Variants in NTRK1 observed in about 807,000 individuals in gnomAD.
NTRK1 encodes the protein neurotrophic receptor tyrosine kinase 1.
NTRK1 carries 62 observed loss-of-function variants against 86.8 expected under a neutral mutation model. That is an observed-to-expected ratio of 0.71 (90% CI 0.58 to 0.88). The LOEUF is 0.88. Ranked by LOEUF, NTRK1 falls within the 40% of genes least tolerant of loss-of-function variation. The pLI is 0.00. For missense variants in NTRK1, 967 were observed against 1,078.4 expected (o/e 0.90, Z 1.45); for synonymous variants, 469 against 456.6 (o/e 1.03, Z -0.35).
At chr1:156,863,003 A>C (rs1344137466) in intron 1 of NTRK1, among the ~76,000 whole-genome samples, 3 of 151,516 alleles carry the variant, frequency 2.0e-5, no homozygotes, top group African/African-American at 7.3e-5. Flanking sequence ...TAAGTTAGGG[A>C]AAGTTAGAGG....
At chr1:156,828,730 T>A (rs1654388691) in intron 1 of NTRK1, among the ~76,000 whole-genome samples, 3 of 152,212 alleles carry the variant, frequency 2.0e-5, no homozygotes, top group Non-Finnish European at 4.4e-5. Context: ...TTTGAGTCTC[T>A]GCTCCACCAC....
chr1:156,860,554 C>T (rs2102878020), upstream of NTRK1, among the ~76,000 whole-genome samples: 1 of 152,338 alleles, frequency 6.6e-6, no homozygotes, highest in African/African-American at 2.4e-5. Context: ...CAGTCATCTT[C>T]CCTCCTCCCC....
At position 156,860,913 on chromosome 1, in the gene NTRK1, G is replaced by T; in HGVS notation, c.-22G>T. 1 of 1,431,042 alleles carries T rather than the reference G, an allele frequency of 7.0e-7. No individual in the cohort carries two copies. Among genetic ancestry groups the T allele is most frequent in the South Asian group, 1.5e-5 (1 of 66,446 alleles). 88.6% of individuals were successfully genotyped at this position (1,431,042 alleles called of 1,614,324 possible). A position where few individuals can be genotyped will look rare whatever the true frequency, so the allele number is the denominator to read the frequency against. ...GAGCGCACAGACGGCTGCCCCGCCTGAGCGAGGCGGGCGCCGCCGCGATGC... is the reference window on the plus strand; with the variant it reads ...GAGCGCACAGACGGCTGCCCCGCCTTAGCGAGGCGGGCGCCGCCGCGATGC... On this transcript the variant is annotated 5_prime_UTR_variant, in exon 1 of 17. Transcript: ENST00000524377.
In NTRK1 at chr1:156,868,211, G is replaced by A. The variant is rs761633256; in HGVS notation, c.536G>A (p.Gly179Glu). The A allele has an allele frequency of 6.2e-7, 1 of 1,612,716 alleles. No homozygotes were observed. The highest frequency in any genetic ancestry group is 8.5e-7 in the Non-Finnish European group (1 of 1,180,040). Reference sequence around the variant, plus strand: ...CCTGAACAGAAGCTGCAGTGTCATGGGCAAGGGCCCCTGGCCCACATGCCC... The same window carrying A: ...CCTGAACAGAAGCTGCAGTGTCATGAGCAAGGGCCCCTGGCCCACATGCCC... ...GVPEQKLQCH[G>E]QGPLAHMPNA... The change falls in exon 5 of 17, where the codon GGG becomes GAG. Residue 179 changes from glycine (G) to glutamate (E), a missense_variant. Gly to Glu is a moderately conservative substitution (Grantham distance 98). Coordinates refer to ENST00000524377, the MANE Select transcript of NTRK1 (RefSeq NM_002529.4).
At chr1:156,852,705 T>G (rs1368673862) in intron 2 of NTRK1, among the ~76,000 whole-genome samples, 2 of 152,220 alleles carry the variant, frequency 1.3e-5, no homozygotes, top group East Asian at 3.8e-4. Context: ...GGTTTGGAGC[T>G]GGAGGCCCAA....
At chr1:156,818,421 G>A (rs1654083277) in intron 1 of NTRK1, among the ~76,000 whole-genome samples, 1 of 152,088 alleles carries the variant, frequency 6.6e-6, no homozygotes, top group Admixed American at 6.5e-5. Context: ...AGATTTTAAT[G>A]CACCTGGCAC....
chr1:156,852,908 G>C (rs1655276175), intron 2 of NTRK1, among the ~76,000 whole-genome samples: 1 of 152,162 alleles, frequency 6.6e-6, no homozygotes, highest in Non-Finnish European at 1.5e-5. Context: ...CCGCCCTGCT[G>C]CTGAGGCGCT....
At chr1:156,825,417 T>C (rs191954004) in intron 1 of NTRK1, among the ~76,000 whole-genome samples, 38 of 152,326 alleles carry the variant, frequency 2.5e-4, no homozygotes, top group African/African-American at 8.9e-4. Context: ...AATATGGTGA[T>C]CAAGGGAATC....
chr1:156,849,326 C>T (rs1218417649), intron 2 of NTRK1: 1 of 1,613,876 alleles, frequency 6.2e-7, no homozygotes, highest in South Asian at 1.1e-5. Flanking sequence ...CTCCTCCAGT[C>T]GGTAGATGTG....
chr1:156,826,768 C>A (rs1300526190), intron 1 of NTRK1, among the ~76,000 whole-genome samples: 2 of 152,198 alleles, frequency 1.3e-5, no homozygotes, highest in Non-Finnish European at 2.9e-5. Flanking sequence ...ATCATAGTAT[C>A]TTTTTGCAAG....
At chr1:156,859,615 G>GTTC (rs1308245831), upstream of NTRK1, among the ~76,000 whole-genome samples, 1 of 152,140 alleles carries the variant, frequency 6.6e-6, no homozygotes, top group Non-Finnish European at 1.5e-5. The surrounding 1 kb of genome is among the most constrained non-coding windows in gnomAD (Gnocchi z 6.2). Flanking sequence ...TAGTCCCTTG[G>GTTC]TTCTGACCAA....
rs771749558 is a variant in NTRK1, at chr1:156,868,258, C to T, written c.574+9C>T. 36 of 1,606,884 alleles carry T rather than the reference C, an allele frequency of 2.2e-5. No individual in the cohort carries two copies. The highest frequency in any genetic ancestry group is 2.1e-4 in the South Asian group (19 of 91,048). On this transcript the variant is annotated intron_variant, in intron 5 of 16. Coordinates refer to ENST00000524377, the MANE Select transcript of NTRK1 (RefSeq NM_002529.4). ...GCCCAATGCCAGCTGTGGTAGGTGC[C>T]GGGTGAGGGAGGTGGTGTAAGGGGG...
At chr1:156,833,874 C>T (rs1654528168) in intron 1 of NTRK1, among the ~76,000 whole-genome samples, 2 of 152,204 alleles carry the variant, frequency 1.3e-5, no homozygotes. Flanking sequence ...CCACCTCCTC[C>T]TCTGAGGGAC....
intron 1 of NTRK1, among the ~76,000 whole-genome samples, chr1:156,822,609 G>GTT (rs60950376): frequency 3.7e-5 from 3 of 81,306 alleles, no homozygotes; most frequent in African/African-American, 9.6e-5. Flanking sequence ...TAAAAGATTA[G>GTT]AAAAAAAAAA....
At chr1:156,856,734 A>G (rs1228040903), upstream of NTRK1, among the ~76,000 whole-genome samples, 1 of 152,150 alleles carries the variant, frequency 6.6e-6, no homozygotes, top group East Asian at 1.9e-4. Context: ...TGCCCAGTCC[A>G]GGGCTGGAAC....
In NTRK1 at chr1:156,873,744, TG is replaced by T. The variant is rs778670571; in HGVS notation, c.963del (p.Leu322SerfsTer148). 6.2e-7 allele frequency: 1 copy of T among 1,613,294 alleles called. No homozygotes were observed. Among genetic ancestry groups the T allele is most frequent in the East Asian group, 2.2e-5 (1 of 44,860 alleles). ...CTGCGCTGGCTCTTCAATGGCTCCGTGCTCAATGAGACCAGCTTCATCTTCA... is the reference window on the plus strand; with the variant it reads ...CTGCGCTGGCTCTTCAATGGCTCCGTCTCAATGAGACCAGCTTCATCTTCA... The part of the protein sequence containing the change: ...PSLRWLFNGS[V>X]LNETSFIFTE... On this transcript the variant is annotated frameshift_variant, in exon 8 of 17. Coordinates refer to ENST00000524377, the MANE Select transcript of NTRK1 (RefSeq NM_002529.4). LOFTEE classifies it high-confidence loss of function.
intron 1 of NTRK1, among the ~76,000 whole-genome samples, chr1:156,835,552 C>T (rs1654576837): frequency 6.6e-6 from 1 of 152,190 alleles, no homozygotes; most frequent in Non-Finnish European, 1.5e-5. Context: ...CAACTCATCA[C>T]CCAGATGCAT....
At chr1:156,851,683 A>C in intron 2 of NTRK1, 2 of 1,614,202 alleles carry the variant, frequency 1.2e-6, no homozygotes, top group South Asian at 2.2e-5. Flanking sequence ...TTCCCTCCAC[A>C]TGCGTGCAGC....
At chr1:156,867,956 A>G in intron 4 of NTRK1, 148 bp from the exon 5 acceptor site, 1 of 882,752 alleles carries the variant, frequency 1.1e-6, no homozygotes, top group Non-Finnish European at 1.8e-6. Context: ...TTTGAATAAC[A>G]TCCTGTTACT....
Sources: gnomAD v4.1 joint callset for allele counts (sites outside exome capture counted in the v4.1 genomes callset) on GRCh38, gnomAD v4.1.1 for gene constraint, Gnocchi (gnomAD v3.1) non-coding constraint, MANE v1.5 for transcripts, NCBI Gene and HGNC (gene_info 2026-07-23, HGNC 2026-07-21) for gene names.